The following WDR88 variants were observed in gnomAD, a reference collection of about 807,000 sequenced individuals.
WDR88 encodes WD repeat-containing protein 88.
A neutral mutation model predicts 46.8 loss-of-function variants in WDR88; 40 were observed. The ratio of observed to expected loss-of-function variants is 0.86; its 90% CI spans 0.66 to 1.11. The LOEUF (loss-of-function observed/expected upper bound fraction) is 1.11. Among genes scored for constraint, WDR88 ranks in the 50% most tolerant of loss-of-function variants. The probability of loss-of-function intolerance (pLI) is 0.00; values close to 1 mark genes in which losing one functional copy is unlikely to be tolerated. For missense variants in WDR88, 562 were observed against 602.4 expected (o/e 0.93, Z 0.70); for synonymous variants, 235 against 240.7 (o/e 0.98, Z 0.22).
intron 10 of WDR88, chr19:33,174,310 C>T (rs1037521304): frequency 1.3e-6 from 2 of 1,522,542 alleles, no homozygotes; most frequent in South Asian, 1.2e-5. Context: ...GGGTTTACCC[C>T]CCTCTCCAGC....
At chr19:33,147,517 C>T (rs1452919331) in intron 3 of WDR88, 128 bp from the exon 4 acceptor site, 2 of 753,516 alleles carry the variant, frequency 2.7e-6, no homozygotes, top group Admixed American at 2.7e-5. Context: ...GCAGGAGGGT[C>T]GTTTGAACCT....
intron 1 of WDR88, among the ~76,000 whole-genome samples, chr19:33,133,503 A>T (rs1219621553): frequency 6.6e-6 from 1 of 152,208 alleles, no homozygotes; most frequent in Admixed American, 6.5e-5. Context: ...AGCTGAGATC[A>T]TCTCACTCCA....
chr19:33,148,653 A>G (rs1267140346), intron 4 of WDR88, 119 bp from the exon 5 acceptor site: 2 of 1,202,332 alleles, frequency 1.7e-6, no homozygotes, highest in African/African-American at 1.5e-5. Context: ...TTCCCAGGCT[A>G]GTCTCAGGCT....
At chr19:33,134,472 C>T (rs1220982429) in intron 1 of WDR88, among the ~76,000 whole-genome samples, 3 of 152,006 alleles carry the variant, frequency 2.0e-5, no homozygotes, top group African/African-American at 7.3e-5. Flanking sequence ...GAATTGCATG[C>T]GTGAGCCACT....
intron 2 of WDR88, among the ~76,000 whole-genome samples, chr19:33,140,003 G>A (rs184461667): frequency 3.3e-5 from 5 of 152,208 alleles, no homozygotes; most frequent in South Asian, 2.1e-4. Flanking sequence ...GGGCTGCCCC[G>A]GGGCTCAACT....
At chr19:33,169,803 G>T (rs1974008079) in intron 9 of WDR88, among the ~76,000 whole-genome samples, 1 of 151,836 alleles carries the variant, frequency 6.6e-6, no homozygotes, top group African/African-American at 2.4e-5. Context: ...CCAGGTATTT[G>T]TCAATGAAGT....
intron 9 of WDR88, among the ~76,000 whole-genome samples, chr19:33,170,780 G>A (rs1043620798): frequency 2.6e-5 from 4 of 152,092 alleles, no homozygotes; most frequent in Non-Finnish European, 5.9e-5. Flanking sequence ...GAGAATCACT[G>A]GAGCCTGCGA....
intron 5 of WDR88, among the ~76,000 whole-genome samples, chr19:33,149,541 A>G (rs1371551435): frequency 6.6e-6 from 1 of 152,034 alleles, no homozygotes; most frequent in African/African-American, 2.4e-5. Flanking sequence ...ACATTAACAG[A>G]GTCTTGCTAT....
intron 9 of WDR88, among the ~76,000 whole-genome samples, 162 bp downstream of exon 9, chr19:33,164,427 C>A (rs1044628102): frequency 6.6e-6 from 1 of 152,238 alleles, no homozygotes; most frequent in Non-Finnish European, 1.5e-5. Context: ...GCATGTCCTT[C>A]TATGCGCAAA....
intron 3 of WDR88, 95 bp downstream of exon 3, chr19:33,145,027 A>G: frequency 8.5e-7 from 1 of 1,177,244 alleles, no homozygotes. Flanking sequence ...TGTTTTAAGT[A>G]ATAGATATGG....
In WDR88 at chr19:33,148,890, C is replaced by T. The variant is rs1354307443; in HGVS notation, c.659C>T (p.Thr220Ile). The change falls in exon 5 of 11, where the codon ACC (threonine) becomes ATC (isoleucine). Residue 220 changes from threonine to isoleucine, a missense_variant. Coordinates refer to ENST00000355868, the MANE Select transcript of WDR88 (RefSeq NM_173479.4). ...TGCATAATGGACGCCGAGAACATCACCACCGTTTCCGTCATCAAAGGTGAG... is the reference window on the plus strand; with the variant it reads ...TGCATAATGGACGCCGAGAACATCATCACCGTTTCCGTCATCAAAGGTGAG... Reference protein sequence around the residue: ...GICIMDAENITTVSVIKDHHT... With the variant: ...GICIMDAENIITVSVIKDHHT... 1 of 1,614,166 alleles carries T rather than the reference C, an allele frequency of 6.2e-7. No individual in the cohort carries two copies. Among genetic ancestry groups the T allele is most frequent in the Non-Finnish European group, 8.5e-7 (1 of 1,180,038 alleles).
intron 2 of WDR88, chr19:33,142,851 C>CAAAAAAAAAAAA (rs74174644): frequency 4.6e-4 from 9 of 19,530 alleles, no homozygotes; most frequent in African/African-American, 1.8e-3. Flanking sequence ...ACTAAAAATA[C>CAAAAAAAAAAAA]AAAAAAAAAA....
intron 1 of WDR88, among the ~76,000 whole-genome samples, chr19:33,133,172 T>C (rs939364194): frequency 4.1e-5 from 3 of 73,712 alleles, no homozygotes; most frequent in African/African-American, 1.5e-4. Context: ...AATAAATAAA[T>C]AAATAAATAA....
chr19:33,159,798 T>G (rs1307939674), intron 7 of WDR88, among the ~76,000 whole-genome samples: 2 of 152,056 alleles, frequency 1.3e-5, no homozygotes, highest in Non-Finnish European at 2.9e-5. Flanking sequence ...TGTATTACAT[T>G]TATTGTGCCC....
At position 33,147,719 on chromosome 19, in the gene WDR88, C is replaced by T. The variant is rs768831099; in HGVS notation, c.540+11C>T. 5.0e-6 allele frequency: 8 copies of T among 1,613,652 alleles called. No individual in the cohort carries two copies. In the East Asian group the frequency reaches 1.6e-4, roughly 31 times the overall value. On this transcript the variant is annotated intron_variant, in intron 4 of 10. Transcript: ENST00000355868. ...ACAGGCAAGCTGCTGGTACGTATGC[C>T]TGTCCAGTGGGGGCGTTGGTTGCAG...
chr19:33,164,379 G>A (rs1973920602), intron 9 of WDR88, 114 bp downstream of exon 9: 2 of 929,330 alleles, frequency 2.2e-6, no homozygotes, highest in African/African-American at 1.6e-5. Context: ...TACCTGACCG[G>A]GCCATCGTGT....
At chr19:33,154,873 C>T (rs1323098395) in intron 6 of WDR88, among the ~76,000 whole-genome samples, 1 of 152,094 alleles carries the variant, frequency 6.6e-6, no homozygotes, top group East Asian at 1.9e-4. Flanking sequence ...TCTCCTTTGG[C>T]GTTGCTCAGT....
chr19:33,135,992 C>A (rs12609519), intron 1 of WDR88, among the ~76,000 whole-genome samples: 2 of 151,828 alleles, frequency 1.3e-5, no homozygotes, highest in African/African-American at 4.8e-5. Context: ...CAGGTTCAAG[C>A]GATTCTCCTG....
At chr19:33,148,956 A>AGTCT in intron 5 of WDR88, 46 bp downstream of exon 5, 1 of 1,611,754 alleles carries the variant, frequency 6.2e-7, no homozygotes, top group Non-Finnish European at 8.5e-7. Context: ...CCATAGGAAT[A>AGTCT]GCCACTTGTC....
Sources: allele counts gnomAD v4.1 joint callset (sites outside exome capture counted in the v4.1 genomes callset), GRCh38; gene constraint gnomAD v4.1.1; transcripts MANE v1.5; gene names NCBI Gene and HGNC (gene_info 2026-07-23, HGNC 2026-07-21).